Variants in SFMBT1 observed in about 807,000 individuals in gnomAD.
SFMBT1 encodes Scm like with four mbt domains 1, also known as scm-like with four MBT domains protein 1.
In SFMBT1, 32 loss-of-function variants were observed where a neutral mutation model predicts 108.7. The ratio of observed to expected loss-of-function variants is 0.29; its 90% CI spans 0.22 to 0.40. The LOEUF (loss-of-function observed/expected upper bound fraction) is 0.40, where lower values mean the gene tolerates loss of function less well. Among genes scored for constraint, SFMBT1 ranks in the 10% least tolerant of loss-of-function variants. The probability of loss-of-function intolerance (pLI) is 1.00; values close to 1 mark genes in which losing one functional copy is unlikely to be tolerated. For missense variants in SFMBT1, 816 were observed against 1,059.6 expected, an observed-to-expected ratio of 0.77 and a Z score of 3.19; for synonymous variants, 348 against 369.5, an observed-to-expected ratio of 0.94 and a Z score of 0.67.
intron 1 of SFMBT1, among the ~76,000 whole-genome samples, chr3:52,971,864 AG>A (rs747385793): frequency 6.4e-4 from 98 of 152,328 alleles, no homozygotes; most frequent in Non-Finnish European, 1.3e-3. Flanking sequence ...TACAGTGGGA[AG>A]GACCTGAAGG....
chr3:52,941,983 T>C (rs1197278113), intron 4 of SFMBT1, among the ~76,000 whole-genome samples: 3 of 152,190 alleles, frequency 2.0e-5, no homozygotes, highest in Admixed American at 1.3e-4. Context: ...TGATGCATGA[T>C]GGCTCATGCC....
chr3:52,906,939 C>G (rs192347945), intron 19 of SFMBT1, 130 bp downstream of exon 19: 12 of 1,198,722 alleles, frequency 1.0e-5, no homozygotes, highest in Non-Finnish European at 1.4e-5. Context: ...GGTCACTTTA[C>G]AAGAGACCCT....
intron 1 of SFMBT1, among the ~76,000 whole-genome samples, chr3:53,041,664 C>T (rs557032270): frequency 1.5e-5 from 2 of 129,598 alleles, no homozygotes; most frequent in East Asian, 4.5e-4. Flanking sequence ...TGCCATTGCA[C>T]TCCAGCCTGG....
At chr3:52,911,512 C>A (rs115753969) in intron 16 of SFMBT1, among the ~76,000 whole-genome samples, 15 of 152,310 alleles carry the variant, frequency 9.8e-5, no homozygotes, top group Non-Finnish European at 2.1e-4. Context: ...TTACCCTTGG[C>A]AGTGATCCTC....
intron 1 of SFMBT1, among the ~76,000 whole-genome samples, chr3:53,023,949 T>A (rs755688772): frequency 6.6e-6 from 1 of 152,186 alleles, no homozygotes; most frequent in South Asian, 2.1e-4. Context: ...ATTCAACAAA[T>A]TCTTAGTGAG....
intron 13 of SFMBT1, among the ~76,000 whole-genome samples, chr3:52,916,968 T>C (rs1702377117): frequency 6.6e-6 from 1 of 152,178 alleles, no homozygotes; most frequent in Non-Finnish European, 1.5e-5. Context: ...ACAAATTATG[T>C]TATTTAAAAA....
intron 7 of SFMBT1, 109 bp from the exon 8 acceptor site, chr3:52,930,539 T>C (rs1299258449): frequency 1.5e-6 from 1 of 656,348 alleles, no homozygotes; most frequent in East Asian, 2.7e-5. Flanking sequence ...ATCCTATAGT[T>C]TTCTTCTTTT....
chr3:52,921,955 T>C (rs1702532383), intron 10 of SFMBT1, 124 bp from the exon 11 acceptor site: 1 of 1,000,838 alleles, frequency 1.0e-6, no homozygotes, highest in Non-Finnish European at 1.5e-6. Flanking sequence ...TTATTTTGCA[T>C]TGTTTTGCTT....
chr3:52,959,145 A>C (rs1703880002), intron 2 of SFMBT1, among the ~76,000 whole-genome samples: 1 of 152,050 alleles, frequency 6.6e-6, no homozygotes, highest in Non-Finnish European at 1.5e-5. Context: ...GGGGAGGGAG[A>C]GCATCAGGAA....
chr3:52,959,770 G>T (rs1050795913), intron 2 of SFMBT1, among the ~76,000 whole-genome samples: 1 of 152,044 alleles, frequency 6.6e-6, no homozygotes, highest in Non-Finnish European at 1.5e-5. Context: ...CAATACTCTT[G>T]TTAAGTGAGC....
rs1331728446 is a variant in SFMBT1 at position 53,000,570 on chromosome 3, T to C, written c.-130-31312A>G. ...GACTATATAAATACATATATATGCC[T>C]ATATATACATATATTACATATATAC... On this transcript the variant is annotated intron_variant, in intron 1 of 20. Transcript: ENST00000394752. 2.0e-5 allele frequency among the ~76,000 whole-genome samples: 3 copies of C among 149,874 alleles called. No individual in the cohort carries two copies. The East Asian group carries it at 5.8e-4, about 29-fold the overall frequency.
chr3:53,002,473 C>T (rs1467038633), intron 1 of SFMBT1, among the ~76,000 whole-genome samples: 5 of 149,462 alleles, frequency 3.3e-5, no homozygotes, highest in Non-Finnish European at 7.5e-5. Flanking sequence ...ACTATCCAGG[C>T]CCAAAGTTAT....
At chr3:53,011,559 G>C (rs1434979856) in intron 1 of SFMBT1, among the ~76,000 whole-genome samples, 1 of 152,230 alleles carries the variant, frequency 6.6e-6, no homozygotes, top group African/African-American at 2.4e-5. Flanking sequence ...GACTAGCCCA[G>C]AGATCAAAGG....
At chr3:52,999,365 G>C (rs913716626) in intron 1 of SFMBT1, among the ~76,000 whole-genome samples, 5 of 150,444 alleles carry the variant, frequency 3.3e-5, no homozygotes, top group Admixed American at 2.7e-4. Context: ...CCAGGCCTGC[G>C]GGGAGGAGCC....
chr3:52,966,056 G>A lies in SFMBT1; in HGVS notation c.28+3045C>T, dbSNP rs143144865. Among the ~76,000 whole-genome samples, 403 of 142,148 alleles carry A rather than the reference G, an allele frequency of 2.8e-3. 2 individuals are homozygous for A. The highest frequency in any genetic ancestry group is 0.01 in the African/African-American group (388 of 37,704). 93.3% of individuals were successfully genotyped at this position (142,148 alleles called of 152,430 possible). A position where few individuals can be genotyped will look rare whatever the true frequency, so the allele number is the denominator to read the frequency against. On this transcript the variant is annotated intron_variant, in intron 2 of 20. Transcript: ENST00000394752. ...GACTAAAGCCGGCGCGGTGGCTCAC[G>A]CCTGTAATTCCAGCACTTTGGGAGG...
chr3:52,985,323 C>G (rs1344809971), intron 1 of SFMBT1, among the ~76,000 whole-genome samples: 1 of 152,184 alleles, frequency 6.6e-6, no homozygotes, highest in Non-Finnish European at 1.5e-5. Flanking sequence ...AGTCACAGAT[C>G]AGAAACTTCA....
At chr3:53,043,746 A>G (rs1244295298) in intron 1 of SFMBT1, among the ~76,000 whole-genome samples, 1 of 152,264 alleles carries the variant, frequency 6.6e-6, no homozygotes, top group Non-Finnish European at 1.5e-5. Flanking sequence ...TCCTCAGGAC[A>G]GAATTTTAAG....
intron 2 of SFMBT1, among the ~76,000 whole-genome samples, chr3:52,961,906 G>C (rs1384823506): frequency 2.0e-5 from 3 of 152,088 alleles, no homozygotes; most frequent in Non-Finnish European, 4.4e-5. Flanking sequence ...TTAAAATGAT[G>C]AATCACTCAA....
intron 1 of SFMBT1, among the ~76,000 whole-genome samples, chr3:53,013,231 T>C (rs1699013591): frequency 6.6e-6 from 1 of 151,730 alleles, no homozygotes; most frequent in Admixed American, 6.6e-5. Flanking sequence ...TTCATGAAAC[T>C]TGCTAAGTTA....
Sources: gnomAD v4.1 joint callset for allele counts (sites outside exome capture counted in the v4.1 genomes callset) on GRCh38, gnomAD v4.1.1 for gene constraint, MANE v1.5 for transcripts, NCBI Gene and HGNC (gene_info 2026-07-23, HGNC 2026-07-21) for gene names.